GLI2: variants seen among roughly 807,000 people sequenced by gnomAD.
The protein encoded by GLI2 is GLI family zinc finger 2.
In GLI2, 22 loss-of-function variants were observed where a neutral mutation model predicts 78.9. That is an observed-to-expected ratio of 0.28 (90% CI 0.20 to 0.40). GLI2 has a LOEUF of 0.40. Among genes scored for constraint, GLI2 ranks in the 10% least tolerant of loss-of-function variants. GLI2 has a pLI of 1.00. For missense variants in GLI2, 2,097 were observed against 2,213.2 expected (o/e 0.95, Z 1.05); for synonymous variants, 974 against 963.7 (o/e 1.01, Z -0.20).
chr2:120,934,901 A>G (rs2166565), intron 3 of GLI2, among the ~76,000 whole-genome samples: 130,017 of 152,062 alleles, frequency 0.86, 57,409 homozygotes, highest in East Asian at 1. Flanking sequence ...TGCACCGTTC[A>G]CCATGAGATT....
At chr2:120,770,646 T>C (rs1683495733) in intron 1 of GLI2, among the ~76,000 whole-genome samples, 1 of 152,190 alleles carries the variant, frequency 6.6e-6, no homozygotes, top group Admixed American at 6.5e-5. Flanking sequence ...TCTCTCGTGC[T>C]CTGAGGTCTT....
chr2:120,805,901 G>A (rs968019907), intron 2 of GLI2, among the ~76,000 whole-genome samples: 10 of 152,134 alleles, frequency 6.6e-5, no homozygotes, highest in Non-Finnish European at 2.9e-5. Context: ...TGTTTAACAC[G>A]GCTGTGCCAG....
intron 2 of GLI2, among the ~76,000 whole-genome samples, chr2:120,820,518 C>T (rs1291684952): frequency 2.0e-5 from 3 of 152,290 alleles, no homozygotes; most frequent in East Asian, 1.9e-4. Flanking sequence ...TGAGGCACTC[C>T]GGGGGTGGGC....
rs189181253 is a variant in GLI2 at position 120,960,237 on chromosome 2, G to A, written c.643+4807G>A. 8.3e-4 allele frequency among the ~76,000 whole-genome samples: 127 copies of A among 152,272 alleles called. 2 individuals are homozygous for A. The East Asian group carries it at 0.016, about 19-fold the overall frequency. On this transcript the variant is annotated intron_variant, in intron 5 of 13. Coordinates refer to ENST00000361492, the MANE Select transcript of GLI2 (RefSeq NM_001374353.1). Reference sequence around the variant, plus strand: ...GGGCGGGACCAAGAATGCCTGTCCCGACCTGACGCCCCTCATACCCCAGCC... The same window carrying A: ...GGGCGGGACCAAGAATGCCTGTCCCAACCTGACGCCCCTCATACCCCAGCC...
chr2:120,868,201 A>G (rs1688245816), intron 2 of GLI2, among the ~76,000 whole-genome samples: 1 of 152,150 alleles, frequency 6.6e-6, no homozygotes, highest in African/African-American at 2.4e-5. Flanking sequence ...AAGAAGCTTT[A>G]TTGTCTGCGA....
chr2:120,822,884 C>T (rs1042246964), intron 2 of GLI2, among the ~76,000 whole-genome samples: 29 of 152,212 alleles, frequency 1.9e-4, no homozygotes, highest in Admixed American at 1.0e-3. Context: ...ACACTCTGAA[C>T]CCATCTTCTG....
In GLI2 at chr2:120,986,300, C is replaced by T. The variant is rs1301524384; in HGVS notation, c.1928C>T (p.Ala643Val). 1.2e-6 allele frequency: 2 copies of T among 1,613,264 alleles called. No homozygotes were observed. Residue 643 changes from alanine to valine, a missense_variant, in exon 13 of 14, where the codon GCC becomes GTC. Ala to Val is a moderately conservative substitution (Grantham distance 64, BLOSUM62 0). Around this residue, in one of 5 missense-constraint regions of GLI2, gnomAD observed 68 missense variants for 104.4 expected, o/e 0.65. Transcript: ENST00000361492. ...SSGLCQSSPGAQSSCSSEPSP... is the reference protein window; with the variant it reads ...SSGLCQSSPGVQSSCSSEPSP... ...CAGCTGTGTCAGTCCAGCCCCGGGG[C>T]CCAGTCGTCCTGCAGCAGCGAGCCC...
chr2:120,829,247 A>C (rs1178113177), intron 2 of GLI2, among the ~76,000 whole-genome samples: 2 of 152,200 alleles, frequency 1.3e-5, no homozygotes, highest in Non-Finnish European at 2.9e-5. Flanking sequence ...AGGGACACAG[A>C]GCCCCAGGGG....
chr2:120,897,446 C>G (rs1436839476), intron 2 of GLI2, among the ~76,000 whole-genome samples: 2 of 152,200 alleles, frequency 1.3e-5, no homozygotes, highest in Non-Finnish European at 2.9e-5. Context: ...CTTACAATGG[C>G]TCGACTTTAC....
intron 2 of GLI2, among the ~76,000 whole-genome samples, chr2:120,832,419 C>G (rs1362413264): frequency 6.6e-6 from 1 of 152,144 alleles, no homozygotes; most frequent in Non-Finnish European, 1.5e-5. Context: ...GGCAGCAGGG[C>G]CTGGGGCTGA....
intron 1 of GLI2, among the ~76,000 whole-genome samples, chr2:120,780,843 C>A (rs931972506): frequency 6.6e-6 from 1 of 152,180 alleles, no homozygotes; most frequent in African/African-American, 2.4e-5. Flanking sequence ...TCTTTGGAGG[C>A]TTTCTGTCGT....
In GLI2 at chr2:120,751,999, A is replaced by C. The variant is rs1344861986; in HGVS notation, c.-31+15714A>C. ...TAAAGATACAAAAGGTTAAACCTGC[A>C]GAAATGTATAGTGTTGAGTGAGCAC... On this transcript the variant is annotated intron_variant, in intron 1 of 13. Transcript: ENST00000361492. 2.0e-5 allele frequency among the ~76,000 whole-genome samples: 3 copies of C among 152,376 alleles called. No individual in the cohort carries two copies. In the East Asian group the frequency reaches 5.8e-4, roughly 29 times the overall value.
chr2:120,834,264 G>A (rs973885143), intron 2 of GLI2, among the ~76,000 whole-genome samples: 4 of 152,208 alleles, frequency 2.6e-5, no homozygotes, highest in African/African-American at 4.8e-5. Flanking sequence ...GGGTCAGTCA[G>A]TGAGGCATCC....
At chr2:120,777,890 C>T (rs1161951416) in intron 1 of GLI2, among the ~76,000 whole-genome samples, 1 of 151,930 alleles carries the variant, frequency 6.6e-6, no homozygotes, top group African/African-American at 2.4e-5. Flanking sequence ...GCACCCCAGG[C>T]TGGGGTGCAG....
intron 3 of GLI2, among the ~76,000 whole-genome samples, chr2:120,934,005 T>C (rs2104893371): frequency 6.6e-6 from 1 of 152,332 alleles, no homozygotes; most frequent in Middle Eastern, 3.4e-3. Flanking sequence ...GGGTGGGTCT[T>C]AAAGATGCCC....
chr2:120,935,581 G>A (rs1680161244), intron 3 of GLI2, among the ~76,000 whole-genome samples: 1 of 152,182 alleles, frequency 6.6e-6, no homozygotes, highest in Non-Finnish European at 1.5e-5. Flanking sequence ...CTCCCTGCAA[G>A]GTGGGATTAT....
intron 2 of GLI2, among the ~76,000 whole-genome samples, chr2:120,846,246 T>C (rs1657367955): frequency 6.6e-6 from 1 of 152,216 alleles, no homozygotes; most frequent in South Asian, 2.1e-4. Flanking sequence ...TACAGCATGC[T>C]CCTGGTCCCT....
At chr2:120,776,223 G>C (rs1683674001) in intron 1 of GLI2, among the ~76,000 whole-genome samples, 1 of 152,236 alleles carries the variant, frequency 6.6e-6, no homozygotes, top group Non-Finnish European at 1.5e-5. Flanking sequence ...CGCAGCACCG[G>C]ACATGTTGTT....
In GLI2 at chr2:120,904,407, G is replaced by A. The variant is rs1291532812; in HGVS notation, c.149-22954G>A. ...CTGCCTGCTCTGGTGGGAAGGCAGG[G>A]CCCTGGGCTCTGAGAGCCTGTCGGT... On this transcript the variant is annotated intron_variant, in intron 2 of 13. Transcript: ENST00000361492. Among the ~76,000 whole-genome samples, 4 of 152,206 alleles carry A rather than the reference G, an allele frequency of 2.6e-5. No homozygotes were observed. The East Asian group carries it at 7.7e-4, about 29-fold the overall frequency.
Sources: allele counts gnomAD v4.1 joint callset (sites outside exome capture counted in the v4.1 genomes callset), GRCh38; gene constraint gnomAD v4.1.1; regional missense constraint gnomAD v4.1.1; transcripts MANE v1.5; gene names NCBI Gene and HGNC (gene_info 2026-07-23, HGNC 2026-07-21).